Variants in ABCC8 observed in about 807,000 individuals in gnomAD.
The protein encoded by ABCC8 is ATP binding cassette subfamily C member 8.
Under a neutral mutation model 188.0 loss-of-function variants are expected in ABCC8, and 137 were observed. The observed-to-expected ratio is 0.73, with a 90% confidence interval of 0.63 to 0.84. The LOEUF (loss-of-function observed/expected upper bound fraction) is 0.84, where lower values mean the gene tolerates loss of function less well. Among genes scored for constraint, ABCC8 ranks in the 40% least tolerant of loss-of-function variants. The pLI, the probability that ABCC8 is intolerant of heterozygous loss-of-function variation, is 0.00. For missense variants in ABCC8, 1,750 were observed against 2,072.7 expected, an observed-to-expected ratio of 0.84 and a Z score of 3.02; for synonymous variants, 797 against 846.5, an observed-to-expected ratio of 0.94 and a Z score of 1.01.
intron 11 of ABCC8, 152 bp from the exon 12 acceptor site, chr11:17,431,111 A>G (rs1016470634): frequency 2.2e-5 from 28 of 1,265,362 alleles, no homozygotes; most frequent in Non-Finnish European, 3.0e-5. Flanking sequence ...CATCATCCCC[A>G]CAGTCATCTC....
At chr11:17,424,597 G>A (rs987374203) in intron 16 of ABCC8, among the ~76,000 whole-genome samples, 2 of 152,200 alleles carry the variant, frequency 1.3e-5, no homozygotes, top group Non-Finnish European at 2.9e-5. Context: ...AAGAAAGCAG[G>A]GCAAAGGGAC....
At chr11:17,400,307 G>A (rs917073965) in intron 29 of ABCC8, among the ~76,000 whole-genome samples, 2 of 152,192 alleles carry the variant, frequency 1.3e-5, no homozygotes, top group Admixed American at 6.5e-5. Context: ...GTAAGTGCGT[G>A]TTGAAAATGT....
At position 17,470,210 on chromosome 11, in the gene ABCC8, G is replaced by T. The variant is rs767866154; in HGVS notation, c.303C>A (p.Ser101=). 4.3e-6 allele frequency: 7 copies of T among 1,614,030 alleles called. No homozygotes were observed. In the African/African-American group the frequency reaches 5.3e-5, roughly 12 times the overall value. The stretch of plus-strand genomic sequence containing the variant: ...CTGGCATGTACAGGTGCAGATGGTG[G>T]GATTCGGTCACCCTGAGATGGGAGA... ...EGILSDGVTE[S]HHLHLYMPAG... The change falls in exon 3 of 39, where the codon TCC becomes TCA. Residue 101 remains serine (S), a synonymous_variant. Transcript: ENST00000389817.
Position 17,412,735 on chromosome 11 carries a change from C to T in ABCC8, c.2487G>A (p.Leu829=), listed in dbSNP as rs550307286. 3.9e-5 allele frequency: 63 copies of T among 1,610,072 alleles called. 1 individual carries two copies. The highest frequency in any genetic ancestry group is 3.7e-4 in the South Asian group (33 of 89,962). The change falls in exon 21 of 39, where the codon CTG becomes CTA. Residue 829 remains leucine (L), a synonymous_variant. Transcript: ENST00000389817. The part of the protein sequence containing the change: ...QTQIGERGIN[L]SGGQRQRISV... ...TGATTCGCTGGCGTTGACCACCAGA[C>T]AGGTTGATGCCCTGTCACCAAAGAG...
chr11:17,452,077 A>C (rs1474561842), intron 7 of ABCC8, among the ~76,000 whole-genome samples: 22 of 152,230 alleles, frequency 1.4e-4, no homozygotes, highest in Non-Finnish European at 2.9e-5. Flanking sequence ...AAGAATAAAC[A>C]AACTTCTATC....
chr11:17,403,357 C>G (rs1954343779), intron 28 of ABCC8, among the ~76,000 whole-genome samples: 2 of 152,188 alleles, frequency 1.3e-5, no homozygotes, highest in South Asian at 2.1e-4. Flanking sequence ...GTTGATTTCC[C>G]TGATAAACCA....
intron 5 of ABCC8, 156 bp downstream of exon 5, chr11:17,461,427 G>A (rs1437510521): frequency 3.2e-6 from 3 of 937,990 alleles, no homozygotes; most frequent in Non-Finnish European, 5.0e-6. Flanking sequence ...CCTGTCCCTG[G>A]TTCACTGTGT....
At chr11:17,476,390 C>T (rs1004281720) in intron 1 of ABCC8, among the ~76,000 whole-genome samples, 1 of 152,248 alleles carries the variant, frequency 6.6e-6, no homozygotes, top group Non-Finnish European at 1.5e-5. Flanking sequence ...CTTGGTGATC[C>T]CATGGGTCAC....
intron 3 of ABCC8, among the ~76,000 whole-genome samples, chr11:17,467,042 CCACACACACACACACA>C (rs569546580): frequency 1.5e-5 from 2 of 132,312 alleles, no homozygotes; most frequent in Non-Finnish European, 3.2e-5. Context: ...ACATGTTAAA[CCACACACACACACACA>C]CACACACACA....
rs867702944 is a variant in ABCC8 at position 17,414,802 on chromosome 11, T to C, written c.2292-192A>G. On this transcript the variant is annotated intron_variant, in intron 18 of 38. Coordinates refer to ENST00000389817, the MANE Select transcript of ABCC8 (RefSeq NM_000352.6). ...AGGTTTGAGAGGTCTGGGTCTCAAC[T>C]GACTGGGGCAGCAGGACCTCATCCC... 2.8e-5 allele frequency: 18 copies of C among 637,006 alleles called. No individual in the cohort carries two copies. The Middle Eastern group carries it at 2.4e-3, about 85-fold the overall frequency. The allele number at this position is 637,006 out of a possible 1,614,324, so 39.5% of individuals were successfully genotyped here.
intron 22 of ABCC8, among the ~76,000 whole-genome samples, chr11:17,409,102 G>A (rs1432593949): frequency 1.3e-5 from 2 of 149,454 alleles, no homozygotes; most frequent in African/African-American, 5.0e-5. Flanking sequence ...ACAGGTGCAC[G>A]CCACCATACC....
chr11:17,441,970 C>G (rs1956333459), intron 10 of ABCC8, among the ~76,000 whole-genome samples: 1 of 152,052 alleles, frequency 6.6e-6, no homozygotes, highest in Admixed American at 6.6e-5. Flanking sequence ...GTCCCAGCTA[C>G]ATGGGAGGCT....
Position 17,460,501 on chromosome 11 carries a change from A to G in ABCC8, c.998T>C (p.Val333Ala). ...GGGGCTGCCTACCTTGGGCTGGAAG[A>G]CGTCGTTCTCCTTCCCAAGGTGGTC... ...IVDHLGKENDVFQPKTQFLGV... is the reference protein window; with the variant it reads ...IVDHLGKENDAFQPKTQFLGV... Residue 333 changes from valine to alanine, a missense_variant, in exon 6 of 39, where the codon GTC (valine) becomes GCC (alanine). Transcript: ENST00000389817. 2 of 1,614,140 alleles carry G rather than the reference A, an allele frequency of 1.2e-6. No individual in the cohort carries two copies. Among genetic ancestry groups the G allele is most frequent in the Non-Finnish European group, 1.7e-6 (2 of 1,180,038 alleles).
intron 29 of ABCC8, 23 bp from the exon 30 acceptor site, chr11:17,398,464 C>A: frequency 6.2e-7 from 1 of 1,613,614 alleles, no homozygotes; most frequent in South Asian, 1.1e-5. Context: ...TGAGAAGCTC[C>A]TAAGGGAACA....
At chr11:17,470,002 T>C (rs1325401043) in intron 3 of ABCC8, 99 bp downstream of exon 3, 2 of 1,475,488 alleles carry the variant, frequency 1.4e-6, no homozygotes, top group Admixed American at 3.4e-5. Context: ...TCCAAATCTC[T>C]ACTGTTTAGA....
chr11:17,417,322 G>A (rs146530293), intron 16 of ABCC8, among the ~76,000 whole-genome samples: 2 of 152,202 alleles, frequency 1.3e-5, no homozygotes, highest in East Asian at 1.9e-4. Flanking sequence ...CTGTGGATAG[G>A]GACCCAATCA....
intron 4 of ABCC8, among the ~76,000 whole-genome samples, chr11:17,462,748 G>A (rs1847900825): frequency 6.6e-6 from 1 of 151,914 alleles, no homozygotes; most frequent in Non-Finnish European, 1.5e-5. Flanking sequence ...AGATGGCTTG[G>A]AGGGAGTCCC....
At chr11:17,420,380 G>A (rs1955283241) in intron 16 of ABCC8, among the ~76,000 whole-genome samples, 1 of 152,168 alleles carries the variant, frequency 6.6e-6, no homozygotes, top group Admixed American at 6.5e-5. Context: ...GCAGCATCAG[G>A]ACTACAGCCA....
rs941847504 is a variant in ABCC8, at chr11:17,442,989, A to T, written c.1468-107T>A. The stretch of plus-strand genomic sequence containing the variant: ...ACTGCCATGCCCGCCTCCTGTCCTC[A>T]CCGGGAGGCAGCCTCCTCCCCCATT... On this transcript the variant is annotated intron_variant, in intron 9 of 38. Transcript: ENST00000389817. 28 of 1,570,824 alleles carry T rather than the reference A, an allele frequency of 1.8e-5. 1 individual carries two copies. The highest frequency in any genetic ancestry group is 2.4e-5 in the Non-Finnish European group (28 of 1,151,236).
Sources: gnomAD v4.1 joint callset for allele counts (sites outside exome capture counted in the v4.1 genomes callset) on GRCh38, gnomAD v4.1.1 for gene constraint, MANE v1.5 for transcripts, NCBI Gene and HGNC (gene_info 2026-07-23, HGNC 2026-07-21) for gene names.